Variants in ROBO2 observed in about 807,000 individuals in gnomAD.
The protein encoded by ROBO2 is roundabout homolog 2.
A neutral mutation model predicts 160.8 loss-of-function variants in ROBO2; 53 were observed. That is an observed-to-expected ratio of 0.33 (90% CI 0.26 to 0.41). The LOEUF (loss-of-function observed/expected upper bound fraction) is 0.41, where lower values mean the gene tolerates loss of function less well. Ranked by LOEUF, ROBO2 falls within the 10% of genes least tolerant of loss-of-function variation. The pLI, the probability that ROBO2 is intolerant of heterozygous loss-of-function variation, is 1.00. For synonymous variants in ROBO2, 664 were observed against 611.7 expected (o/e 1.09, Z -1.26); for missense variants, 1,577 against 1,722.4 (o/e 0.92, Z 1.49).
intron 2 of ROBO2, among the ~76,000 whole-genome samples, chr3:76,349,996 T>G (rs1435282736): frequency 6.6e-6 from 1 of 152,026 alleles, no homozygotes; most frequent in Non-Finnish European, 1.5e-5. Flanking sequence ...ATTTCTGTTT[T>G]CCAAGGCTGT....
chr3:77,461,879 C>T (rs2044597), intron 2 of ROBO2, among the ~76,000 whole-genome samples: 44,451 of 151,600 alleles, frequency 0.29, 6,547 homozygotes, highest in South Asian at 0.4. Flanking sequence ...GCCCGTGCCA[C>T]CACACCCAGC....
intron 1 of ROBO2, among the ~76,000 whole-genome samples, chr3:75,910,220 C>T (rs1401463027): frequency 6.6e-6 from 1 of 152,136 alleles, no homozygotes; most frequent in Non-Finnish European, 1.5e-5. Flanking sequence ...AATCACTGCA[C>T]CCTTGGACAT....
chr3:77,150,699 C>T (rs1369333685), intron 2 of ROBO2, among the ~76,000 whole-genome samples: 1 of 151,466 alleles, frequency 6.6e-6, no homozygotes, highest in Admixed American at 6.6e-5. Context: ...TTCAAATTTG[C>T]CTACATGAAT....
At chr3:76,046,758 A>G (rs2067467010) in intron 2 of ROBO2, among the ~76,000 whole-genome samples, 1 of 152,014 alleles carries the variant, frequency 6.6e-6, no homozygotes, top group Admixed American at 6.5e-5. Flanking sequence ...ATGAGGGGCC[A>G]TAGGAAATAT....
Position 77,076,434 on chromosome 3 carries a change from CT to C in ROBO2, c.62-21574del, listed in dbSNP as rs560707859. Among the ~76,000 whole-genome samples the C allele has an allele frequency of 1.4e-4, 21 of 151,836 alleles. No homozygotes were observed. In the East Asian group the frequency reaches 3.5e-3, roughly 25 times the overall value. ...ATTTAACAACAGTTTATGTTTTTTT[CT>C]TTTTTCTTAAAGTTTGTGTTTTTAA... is the stretch of plus-strand genomic sequence containing the variant. On this transcript the variant is annotated intron_variant, in intron 1 of 25. Transcript: ENST00000461745.
intron 2 of ROBO2, among the ~76,000 whole-genome samples, chr3:76,483,315 T>A (rs2079308071): frequency 6.6e-6 from 1 of 151,924 alleles, no homozygotes; most frequent in Admixed American, 6.6e-5. Context: ...TCATTATTTT[T>A]TTTTTCAATT....
intron 2 of ROBO2, among the ~76,000 whole-genome samples, chr3:77,131,619 A>G (rs913564767): frequency 3.3e-5 from 5 of 152,158 alleles, no homozygotes; most frequent in Non-Finnish European, 5.9e-5. Flanking sequence ...ATCCATAAAC[A>G]TGAAAAGTAA....
At chr3:76,535,970 T>G (rs914492066) in intron 2 of ROBO2, among the ~76,000 whole-genome samples, 3 of 152,140 alleles carry the variant, frequency 2.0e-5, no homozygotes, top group Non-Finnish European at 4.4e-5. Flanking sequence ...GAGCTGGAGC[T>G]CCAGGGGCCC....
chr3:76,273,116 TATAA>T (rs1176434712), intron 2 of ROBO2, among the ~76,000 whole-genome samples: 161 of 9,306 alleles, frequency 0.017, 3 homozygotes, highest in Non-Finnish European at 0.023. Context: ...CACACACACA[TATAA>T]ATATATATAT....
At chr3:77,427,324 T>C (rs1237061197) in intron 2 of ROBO2, among the ~76,000 whole-genome samples, 2 of 152,222 alleles carry the variant, frequency 1.3e-5, no homozygotes, top group Non-Finnish European at 2.9e-5. Context: ...TGCTAGTCAG[T>C]GTTGTAAGCA....
intron 13 of ROBO2, among the ~76,000 whole-genome samples, chr3:77,571,158 A>T (rs2093628419): frequency 6.6e-6 from 1 of 152,050 alleles, no homozygotes. Context: ...GATTGAAAAG[A>T]GTGCTTCGAC....
chr3:76,221,838 T>C (rs1236680891), intron 2 of ROBO2, among the ~76,000 whole-genome samples: 1 of 151,918 alleles, frequency 6.6e-6, no homozygotes, highest in Non-Finnish European at 1.5e-5. Flanking sequence ...ATTTTATAAG[T>C]CCACGGATGG....
At chr3:77,231,384 A>T (rs1453689207) in intron 2 of ROBO2, among the ~76,000 whole-genome samples, 1 of 151,000 alleles carries the variant, frequency 6.6e-6, no homozygotes, top group Non-Finnish European at 1.5e-5. Flanking sequence ...AAAAAAAAAA[A>T]AGACACTAAG....
chr3:77,040,892 A>T (rs1280458971), intron 1 of ROBO2, 46 bp downstream of exon 1: 2 of 1,521,020 alleles, frequency 1.3e-6, no homozygotes, highest in Non-Finnish European at 1.8e-6. Context: ...CCCACCCCCC[A>T]ATCCCCCAAA....
At chr3:76,049,403 A>ATATTTTTTTTTTTTTTTTTTTT (rs1414664360) in intron 2 of ROBO2, among the ~76,000 whole-genome samples, 1 of 53,752 alleles carries the variant, frequency 1.9e-5, no homozygotes, top group African/African-American at 1.5e-4. Context: ...ATATATATAT[A>ATATTTTTTTTTTTTTTTTTTTT]TTTTTTTTTT....
At chr3:77,406,625 A>AT (rs996202802) in intron 2 of ROBO2, among the ~76,000 whole-genome samples, 5 of 151,826 alleles carry the variant, frequency 3.3e-5, no homozygotes, top group African/African-American at 4.8e-5. Flanking sequence ...TCCTTGTTTT[A>AT]TTTTTTTTCC....
intron 2 of ROBO2, among the ~76,000 whole-genome samples, chr3:76,735,759 C>CAAAAAAAAAA (rs60229835): frequency 2.3e-5 from 1 of 43,856 alleles, no homozygotes; most frequent in Non-Finnish European, 3.9e-5. Context: ...GACCCTGTCT[C>CAAAAAAAAAA]AAAAAAAAAA....
At chr3:76,550,274 T>C (rs1205629841) in intron 2 of ROBO2, among the ~76,000 whole-genome samples, 1 of 152,190 alleles carries the variant, frequency 6.6e-6, no homozygotes, top group Non-Finnish European at 1.5e-5. Context: ...ATCCACTGCA[T>C]GGGGAAAAAG....
At chr3:77,184,344 G>C (rs1481075085) in intron 2 of ROBO2, among the ~76,000 whole-genome samples, 1 of 152,008 alleles carries the variant, frequency 6.6e-6, no homozygotes, top group African/African-American at 2.4e-5. Context: ...AGCACTGTGG[G>C]AGATAGAAAG....
Sources: gnomAD v4.1 joint callset for allele counts (sites outside exome capture counted in the v4.1 genomes callset) on GRCh38, gnomAD v4.1.1 for gene constraint, MANE v1.5 for transcripts, NCBI Gene and HGNC (gene_info 2026-07-23, HGNC 2026-07-21) for gene names.